ST18: variants seen among roughly 807,000 people sequenced by gnomAD.
ST18 encodes the protein suppression of tumorigenicity 18 protein.
ST18 carries 50 observed loss-of-function variants against 110.0 expected under a neutral mutation model. The ratio of observed to expected loss-of-function variants is 0.45; its 90% CI spans 0.36 to 0.58. The LOEUF (loss-of-function observed/expected upper bound fraction) is 0.58, where lower values mean the gene tolerates loss of function less well. Ranked by LOEUF, ST18 falls within the 20% of genes least tolerant of loss-of-function variation. The probability of loss-of-function intolerance (pLI) is 0.00; values close to 1 mark genes in which losing one functional copy is unlikely to be tolerated. For missense variants in ST18, 1,306 were observed against 1,280.1 expected, an observed-to-expected ratio of 1.02 and a Z score of -0.31; for synonymous variants, 461 against 452.4, an observed-to-expected ratio of 1.02 and a Z score of -0.24.
chr8:52,324,957 A>G lies in ST18; in HGVS notation c.-465+84371T>C, dbSNP rs1014986368. On this transcript the variant is annotated intron_variant, in intron 2 of 25. Transcript: ENST00000689386. ...AACCCCGCTGGGAAATAAGTTTGGA[A>G]AAATAAGTTGGACATTTGAAAAATG... Among the ~76,000 whole-genome samples, 3 of 152,376 alleles carry G rather than the reference A, an allele frequency of 2.0e-5. No homozygotes were observed. In the East Asian group the frequency reaches 5.8e-4, roughly 29 times the overall value.
At chr8:52,251,017 C>T (rs895630793) in intron 2 of ST18, among the ~76,000 whole-genome samples, 2 of 152,086 alleles carry the variant, frequency 1.3e-5, no homozygotes, top group Non-Finnish European at 2.9e-5. Flanking sequence ...ATCTTTTCTT[C>T]ATGTCTTGTG....
intron 3 of ST18, among the ~76,000 whole-genome samples, chr8:52,222,272 C>T (rs1588798850): frequency 6.6e-6 from 1 of 152,202 alleles, no homozygotes; most frequent in Admixed American, 6.5e-5. Context: ...AGCACATCAT[C>T]TGCACAATTG....
At chr8:52,200,715 G>T (rs1052498605) in intron 8 of ST18, among the ~76,000 whole-genome samples, 33 of 152,118 alleles carry the variant, frequency 2.2e-4, no homozygotes, top group Non-Finnish European at 2.5e-4. Flanking sequence ...GGTGAGAAAT[G>T]GTCAGATGGT....
chr8:52,116,402 C>T lies in ST18; in HGVS notation c.2876G>A (p.Ser959Asn), dbSNP rs1372301516. ...CTCCTCCTCTATCGTCTTTAAGTTG[C>T]TCTCCATAGATGTGATCTACAACAG... ...KLQTQITSMESNLKTIEEENK... is the reference protein window; with the variant it reads ...KLQTQITSMENNLKTIEEENK... The change falls in exon 25 of 26, where the codon AGC becomes AAC. Residue 959 changes from serine (S) to asparagine (N), a missense_variant. Transcript: ENST00000689386. The T allele has an allele frequency of 1.1e-5, 18 of 1,613,502 alleles. No individual in the cohort carries two copies. Among genetic ancestry groups the T allele is most frequent in the Non-Finnish European group, 1.4e-5 (16 of 1,179,816 alleles).
intron 2 of ST18, among the ~76,000 whole-genome samples, chr8:52,357,706 T>A (rs1295383066): frequency 9.1e-6 from 1 of 110,238 alleles, no homozygotes; most frequent in Non-Finnish European, 1.8e-5. Context: ...TATATATATA[T>A]ATATATATAT....
intron 19 of ST18, among the ~76,000 whole-genome samples, chr8:52,133,548 T>C (rs1322631931): frequency 6.6e-6 from 1 of 152,042 alleles, no homozygotes; most frequent in African/African-American, 2.4e-5. Context: ...TTTAAGGATA[T>C]ATGACTACTG....
At chr8:52,181,189 T>C (rs1487891238) in intron 8 of ST18, among the ~76,000 whole-genome samples, 1 of 152,222 alleles carries the variant, frequency 6.6e-6, no homozygotes, top group Non-Finnish European at 1.5e-5. Flanking sequence ...TTATTAAATG[T>C]ACTTTGAAGA....
intron 13 of ST18, 121 bp from the exon 14 acceptor site, chr8:52,161,689 C>T: frequency 8.7e-7 from 1 of 1,143,934 alleles, no homozygotes; most frequent in Non-Finnish European, 1.2e-6. Context: ...AGACACTGAA[C>T]AATAAGAGAG....
At chr8:52,383,485 A>G (rs186379793) in intron 2 of ST18, among the ~76,000 whole-genome samples, 5 of 152,152 alleles carry the variant, frequency 3.3e-5, no homozygotes, top group African/African-American at 1.2e-4. Context: ...GTCTTGCTCT[A>G]TCACCCAGGC....
At position 52,130,119 on chromosome 8, in the gene ST18, A is replaced by AAAAGAAAAG. The variant is rs1554585623; in HGVS notation, c.2666+1838_2666+1839insCTTTTCTTT. 5.7e-5 allele frequency among the ~76,000 whole-genome samples: 6 copies of AAAAGAAAAG among 105,242 alleles called. No individual in the cohort carries two copies. In the East Asian group the frequency reaches 1.4e-3, roughly 25 times the overall value. 69.0% of individuals were successfully genotyped at this position (105,242 alleles called of 152,430 possible). ...AAAAGAAAGAAAGAAAGAAAGAAAG[A>AAAAGAAAAG]AAAGAAAGAAAGAAAGAAAGAAAGA... On this transcript the variant is annotated intron_variant, in intron 22 of 25. Transcript: ENST00000689386.
At chr8:52,236,757 G>A (rs191179150) in intron 2 of ST18, among the ~76,000 whole-genome samples, 6 of 152,294 alleles carry the variant, frequency 3.9e-5, no homozygotes, top group Admixed American at 3.3e-4. Context: ...CTTTTGTGCT[G>A]AATTAGACAG....
Position 52,272,476 on chromosome 8 carries a change from G to A in ST18, c.-464-42399C>T, listed in dbSNP as rs553215067. Among the ~76,000 whole-genome samples the A allele has an allele frequency of 7.9e-5, 12 of 152,250 alleles. No individual in the cohort carries two copies. In the South Asian group the frequency reaches 1.2e-3, roughly 16 times the overall value. ...CATAGATATAGATATAATGTTCACC[G>A]TCACTAATCATCAGGGAAATGCAAA... On this transcript the variant is annotated intron_variant, in intron 2 of 25. Coordinates refer to ENST00000689386, the MANE Select transcript of ST18 (RefSeq NM_001352837.2).
chr8:52,367,236 T>TCTCACACA lies in ST18; in HGVS notation c.-465+42091_-465+42092insTGTGTGAG, dbSNP rs1554851169. Among the ~76,000 whole-genome samples the TCTCACACA allele has an allele frequency of 8.9e-4, 107 of 120,272 alleles. 1 individual carries two copies. The highest frequency in any genetic ancestry group is 4.3e-3 in the Middle Eastern group (1 of 230). 78.9% of individuals were successfully genotyped at this position (120,272 alleles called of 152,430 possible). On this transcript the variant is annotated intron_variant, in intron 2 of 25. Coordinates refer to ENST00000689386, the MANE Select transcript of ST18 (RefSeq NM_001352837.2). ...CTGGGTGACAGAGCGGGACCCTGTC[T>TCTCACACA]CACACACACACACACACACACACAC...
At chr8:52,272,987 C>A (rs2095125434) in intron 2 of ST18, among the ~76,000 whole-genome samples, 1 of 152,154 alleles carries the variant, frequency 6.6e-6, no homozygotes, top group Non-Finnish European at 1.5e-5. Flanking sequence ...ATCTGCTATA[C>A]AACACTGTAC....
intron 2 of ST18, among the ~76,000 whole-genome samples, chr8:52,240,663 C>G (rs1029787867): frequency 6.6e-6 from 1 of 152,156 alleles, no homozygotes; most frequent in Non-Finnish European, 1.5e-5. Flanking sequence ...ATATTACTAT[C>G]TCTGTTTTTC....
chr8:52,335,010 A>G (rs1811402595), intron 2 of ST18, among the ~76,000 whole-genome samples: 1 of 152,204 alleles, frequency 6.6e-6, no homozygotes, highest in Admixed American at 6.5e-5. Context: ...TAGTATGTGA[A>G]AGAGTATCTT....
chr8:52,166,886 C>T lies in ST18; in HGVS notation c.1170G>A (p.Ser390=), dbSNP rs375570357. 1.7e-5 allele frequency: 28 copies of T among 1,602,742 alleles called. No individual in the cohort carries two copies. The highest frequency in any genetic ancestry group is 1.7e-4 in the Middle Eastern group (1 of 6,044). ...TGLYPHHRSL[S]GCPHKVRVPL... Reference sequence around the variant, plus strand: ...GAACCCGCACTTTGTGGGGGCACCCCGAAAGGCTGCGGTGGTGCGGGTAGA... The same window carrying T: ...GAACCCGCACTTTGTGGGGGCACCCTGAAAGGCTGCGGTGGTGCGGGTAGA... Residue 390 remains serine (S), a synonymous_variant, in exon 11 of 26, where the codon TCG becomes TCA. Transcript: ENST00000689386.
chr8:52,168,388 C>A (rs909185166), intron 10 of ST18, among the ~76,000 whole-genome samples: 1 of 151,934 alleles, frequency 6.6e-6, no homozygotes, highest in East Asian at 1.9e-4. Context: ...GCCACTGTCA[C>A]GGGATGCGAC....
chr8:52,146,127 G>A (rs569896948), intron 16 of ST18, among the ~76,000 whole-genome samples: 3 of 152,272 alleles, frequency 2.0e-5, no homozygotes, highest in African/African-American at 7.2e-5. Flanking sequence ...AAAGACGTGG[G>A]TGGGAGCAGG....
Sources: gnomAD v4.1 joint callset for allele counts (sites outside exome capture counted in the v4.1 genomes callset) on GRCh38, gnomAD v4.1.1 for gene constraint, MANE v1.5 for transcripts, NCBI Gene and HGNC (gene_info 2026-07-23, HGNC 2026-07-21) for gene names.